The following BRME1 variants were observed in gnomAD, a reference collection of about 807,000 sequenced individuals.
BRME1 encodes break repair meiotic recombinase recruitment factor 1, also known as BRCA2 and MEILB2-associating protein 1.
In BRME1, 31 loss-of-function variants were observed where a neutral mutation model predicts 52.6. The ratio of observed to expected loss-of-function variants is 0.59; its 90% CI spans 0.44 to 0.80. The LOEUF (loss-of-function observed/expected upper bound fraction) is 0.80. Ranked by LOEUF, BRME1 falls within the 30% of genes least tolerant of loss-of-function variation. The pLI is 0.00. For missense variants in BRME1, 804 were observed against 860.3 expected (o/e 0.93, Z 0.82); for synonymous variants, 359 against 353.6 (o/e 1.02, Z -0.17).
At chr19:13,889,155 G>A (rs1209729493) in intron 6 of BRME1, 33 bp downstream of exon 6, 4 of 1,521,862 alleles carry the variant, frequency 2.6e-6, no homozygotes, top group Non-Finnish European at 3.5e-6. Flanking sequence ...CCTGCCCTGG[G>A]CAGGTATGTC....
At position 13,883,884 on chromosome 19, in the gene BRME1, C is replaced by A. The variant is rs1968811066; in HGVS notation, c.1764-484G>T. On this transcript the variant is annotated intron_variant, in intron 7 of 8. Coordinates refer to ENST00000586783, the MANE Select transcript of BRME1 (RefSeq NM_001345843.2). The surrounding 1 kb of genome is among the most constrained non-coding windows in gnomAD (Gnocchi z 4.2). Reference sequence around the variant, plus strand: ...AAATGTCTCCTCCTGGTGGTGGCTTCCCTGATTCCTCCTTACATTTTAACC... The same window carrying A: ...AAATGTCTCCTCCTGGTGGTGGCTTACCTGATTCCTCCTTACATTTTAACC... Among the ~76,000 whole-genome samples, 1 of 134,304 alleles carries A rather than the reference C, an allele frequency of 7.4e-6. No individual in the cohort carries two copies. The highest frequency in any genetic ancestry group is 7.2e-5 in the Admixed American group (1 of 13,922). 88.1% of individuals were successfully genotyped at this position (134,304 alleles called of 152,430 possible). A position where few individuals can be genotyped will look rare whatever the true frequency, so the allele number is the denominator to read the frequency against.
intron 6 of BRME1, among the ~76,000 whole-genome samples, chr19:13,887,387 C>T (rs1969113572): frequency 6.6e-6 from 1 of 152,244 alleles, no homozygotes; most frequent in Admixed American, 6.5e-5. Context: ...GCCTCCTCCC[C>T]TGGCTGGGGA....
At chr19:13,895,191 C>T (rs1969790940) in intron 3 of BRME1, among the ~76,000 whole-genome samples, 181 bp downstream of exon 3, 1 of 152,020 alleles carries the variant, frequency 6.6e-6, no homozygotes, top group African/African-American at 2.4e-5. Flanking sequence ...AACATCAACC[C>T]TTCTTACCAG....
In BRME1 at chr19:13,893,213, C is replaced by T. The variant is rs1178544918; in HGVS notation, c.217G>A (p.Glu73Lys). 2.5e-6 allele frequency: 4 copies of T among 1,582,948 alleles called. No homozygotes were observed. Among genetic ancestry groups the T allele is most frequent in the Non-Finnish European group, 3.4e-6 (4 of 1,165,542 alleles). ...PGKAVSSSPD[E>K]ETGSPCRLLR... ...AGCCGGCAGGGAGATCCTGTTTCCT[C>T]ATCAGGGGAGCTATGTAGGAAAAGA... is the stretch of plus-strand genomic sequence containing the variant. Residue 73 changes from glutamate to lysine, a missense_variant, in exon 4 of 9, where the codon GAG (glutamate) becomes AAG (lysine). Around this residue, in one of 3 missense-constraint regions of BRME1, gnomAD observed 234 missense variants for 258.1 expected, o/e 0.91. Transcript: ENST00000586783.
chr19:13,891,798 C>T (rs545525536), intron 5 of BRME1, among the ~76,000 whole-genome samples: 4 of 150,172 alleles, frequency 2.7e-5, no homozygotes, highest in Admixed American at 6.6e-5. Flanking sequence ...GTAGCCTGGA[C>T]GCAGTGGCTC....
intron 2 of BRME1, among the ~76,000 whole-genome samples, chr19:13,899,197 A>AG (rs1319567913): frequency 7.0e-6 from 1 of 143,398 alleles, no homozygotes; most frequent in Non-Finnish European, 1.5e-5. Flanking sequence ...TGCCCAGGCT[A>AG]GAGTACAGTG....
At position 13,888,711 on chromosome 19, in the gene BRME1, C is replaced by A. The variant is rs1468684158; in HGVS notation, c.1668+477G>T. Reference sequence around the variant, plus strand: ...TTTGGAAAAGAATCATATCAGGACCCCCAGAGGACCCTAAGGAGATGGGCA... The same window carrying A: ...TTTGGAAAAGAATCATATCAGGACCACCAGAGGACCCTAAGGAGATGGGCA... On this transcript the variant is annotated intron_variant, in intron 6 of 8. Coordinates refer to ENST00000586783, the MANE Select transcript of BRME1 (RefSeq NM_001345843.2). The surrounding 1 kb of genome is among the most constrained non-coding windows in gnomAD (Gnocchi z 4.1). Among the ~76,000 whole-genome samples the A allele has an allele frequency of 6.6e-6, 1 of 152,178 alleles. No homozygotes were observed. Among genetic ancestry groups the A allele is most frequent in the Non-Finnish European group, 1.5e-5 (1 of 68,026 alleles).
chr19:13,905,167 T>TG (rs1478129515), intron 1 of BRME1, among the ~76,000 whole-genome samples: 5 of 151,972 alleles, frequency 3.3e-5, no homozygotes, highest in African/African-American at 9.7e-5. Flanking sequence ...AAATGGGCCC[T>TG]GGGGGGTCCT....
At chr19:13,899,018 A>G (rs1299398503) in intron 2 of BRME1, among the ~76,000 whole-genome samples, 1 of 151,938 alleles carries the variant, frequency 6.6e-6, no homozygotes, top group Non-Finnish European at 1.5e-5. Context: ...CACATCGTGA[A>G]GTAAACCTAC....
rs1969214027 is a variant in BRME1, at chr19:13,888,639, C to CA, written c.1668+548dup. On this transcript the variant is annotated intron_variant, in intron 6 of 8. Coordinates refer to ENST00000586783, the MANE Select transcript of BRME1 (RefSeq NM_001345843.2). The surrounding 1 kb of genome is among the most constrained non-coding windows in gnomAD (Gnocchi z 4.1). Reference sequence around the variant, plus strand: ...GGGGCGGGCAGATCCCTGAAGGAGGCAAAGCCCTTACACGTTCTGGCAGAA... The same window carrying CA: ...GGGGCGGGCAGATCCCTGAAGGAGGCAAAAGCCCTTACACGTTCTGGCAGAA... Among the ~76,000 whole-genome samples, 1 of 152,244 alleles carries CA rather than the reference C, an allele frequency of 6.6e-6. No homozygotes were observed. Among genetic ancestry groups the CA allele is most frequent in the African/African-American group, 2.4e-5 (1 of 41,466 alleles).
In BRME1 at chr19:13,889,488, T is replaced by C. The variant is rs1473895502; in HGVS notation, c.1368A>G (p.Gln456=). 1 of 1,613,800 alleles carries C rather than the reference T, an allele frequency of 6.2e-7. No individual in the cohort carries two copies. Among genetic ancestry groups the C allele is most frequent in the East Asian group, 2.2e-5 (1 of 44,892 alleles). ...TCTGGCCACCTAACTCGGCTTCCTC[T>C]TGAGCAGGACCTGGCTCCTGCTTCT... The part of the protein sequence containing the change: ...VNQKQEPGPA[Q]EEAELGGQNL... Residue 456 remains glutamine (Q), a synonymous_variant, in exon 6 of 9, where the codon CAA becomes CAG. Transcript: ENST00000586783.
At position 13,883,653 on chromosome 19, in the gene BRME1, C is replaced by T. The variant is rs767993232; in HGVS notation, c.1764-253G>A. ...TGCCACCGCCTCCCTATCTCCTGCC[C>T]CTGTGGCTTGTCCCCCACAGGCACT... On this transcript the variant is annotated intron_variant, in intron 7 of 8. Transcript: ENST00000586783. This position sits in a 1 kb window ranked among gnomAD's most constrained non-coding sequence, Gnocchi z 4.2. 2.6e-5 allele frequency: 12 copies of T among 455,100 alleles called. No homozygotes were observed. The highest frequency in any genetic ancestry group is 4.4e-5 in the Non-Finnish European group (11 of 248,686). The allele number at this position is 455,100 out of a possible 1,614,324, so 28.2% of individuals were successfully genotyped here. A position where few individuals can be genotyped will look rare whatever the true frequency, so the allele number is the denominator to read the frequency against.
At chr19:13,903,940 C>T (rs1970468721) in intron 2 of BRME1, among the ~76,000 whole-genome samples, 1 of 152,064 alleles carries the variant, frequency 6.6e-6, no homozygotes, top group Admixed American at 6.6e-5. Context: ...AGCATTATTC[C>T]AGGGGTCATC....
intron 4 of BRME1, 29 bp downstream of exon 4, chr19:13,893,113 A>G (rs927617386): frequency 4.4e-6 from 7 of 1,574,266 alleles, no homozygotes; most frequent in South Asian, 2.3e-5. Flanking sequence ...TGGTGCTTCT[A>G]TATCCACGAG....
rs114105027 is a variant in BRME1, at chr19:13,887,030, T to G, written c.1669-975A>C. ...GAAGCTCCATCAGTCCAAGAGTGAG[T>G]GCAAAGGATCTATGAGAAAGTAACA... On this transcript the variant is annotated intron_variant, in intron 6 of 8. Coordinates refer to ENST00000586783, the MANE Select transcript of BRME1 (RefSeq NM_001345843.2). Among the ~76,000 whole-genome samples, 1,163 of 152,262 alleles carry G rather than the reference T, an allele frequency of 7.6e-3. 16 individuals carry two copies. Among genetic ancestry groups the G allele is most frequent in the African/African-American group, 0.027 (1,104 of 41,538 alleles).
intron 2 of BRME1, among the ~76,000 whole-genome samples, chr19:13,902,509 GC>G (rs1970365075): frequency 6.6e-6 from 1 of 151,906 alleles, no homozygotes; most frequent in South Asian, 2.1e-4. Context: ...GGTGGCATAT[GC>G]CTGTAATCTC....
At position 13,886,044 on chromosome 19, in the gene BRME1, C is replaced by T. The variant is rs746459535; in HGVS notation, c.1680G>A (p.Ser560=). 19 of 1,613,782 alleles carry T rather than the reference C, an allele frequency of 1.2e-5. No individual in the cohort carries two copies. The highest frequency in any genetic ancestry group is 4.0e-5 in the African/African-American group (3 of 74,938). ...FEAPPEQLFP[S]GNKPGPCWPG... ...GCCAGCAAGGGCCCGGCTTGTTCCC[C>T]GAAGGAAAGAGCTGGAAAGAGAGCA... The change falls in exon 7 of 9, where the codon TCG becomes TCA. Residue 560 remains serine (S), a synonymous_variant. Transcript: ENST00000586783.
intron 2 of BRME1, among the ~76,000 whole-genome samples, chr19:13,901,785 T>C (rs1970313246): frequency 6.6e-6 from 1 of 151,564 alleles, no homozygotes; most frequent in Non-Finnish European, 1.5e-5. Flanking sequence ...TGCCTGTAAT[T>C]CTGAGCACAT....
rs762085330 is a variant in BRME1 at position 13,890,255 on chromosome 19, ACCCCGTCC to A, written c.593_600del (p.Gly198ValfsTer19). ...TGGCTGGCCCTCTGTGAGGCGGACA[ACCCCGTCC>A]CCCTGTCTGGAGGGTCATCAGGCTG... On this transcript the variant is annotated frameshift_variant, in exon 6 of 9. Transcript: ENST00000586783. LOFTEE classifies it high-confidence loss of function. 1 of 1,613,548 alleles carries A rather than the reference ACCCCGTCC, an allele frequency of 6.2e-7. No homozygotes were observed.
Sources: gnomAD v4.1 joint callset for allele counts (sites outside exome capture counted in the v4.1 genomes callset) on GRCh38, gnomAD v4.1.1 for gene constraint, gnomAD v4.1.1 regional missense constraint, Gnocchi (gnomAD v3.1) non-coding constraint, MANE v1.5 for transcripts, NCBI Gene and HGNC (gene_info 2026-07-23, HGNC 2026-07-21) for gene names.